The following SMG1 variants were observed in gnomAD, a reference collection of about 807,000 sequenced individuals.
The protein encoded by SMG1 is serine/threonine-protein kinase SMG1.
In SMG1, 22 loss-of-function variants were observed where a neutral mutation model predicts 419.9. That is an observed-to-expected ratio of 0.05 (90% confidence interval 0.04 to 0.07). The LOEUF (loss-of-function observed/expected upper bound fraction) is 0.07. Among genes scored for constraint, SMG1 ranks in the 10% least tolerant of loss-of-function variants. The probability of loss-of-function intolerance (pLI) is 1.00; values close to 1 mark genes in which losing one functional copy is unlikely to be tolerated. For missense variants in SMG1, 3,185 were observed against 4,342.0 expected, an observed-to-expected ratio of 0.73 and a Z score of 7.49; for synonymous variants, 1,538 against 1,553.5, an observed-to-expected ratio of 0.99 and a Z score of 0.23.
rs115505454 is a variant in SMG1 at position 18,838,380 on chromosome 16, C to A, written c.7171G>T (p.Val2391Leu). The A allele has an allele frequency of 6.8e-6, 11 of 1,610,920 alleles. No homozygotes were observed. In the South Asian group the frequency reaches 9.9e-5, roughly 15 times the overall value. Residue 2391 changes from valine to leucine, a missense_variant, in exon 44 of 63, where the codon GTA becomes TTA. Physicochemically the swap from Val to Leu is conservative, Grantham distance 32. This residue lies in a region of SMG1 where 60 missense variants were observed against 133.9 expected (regional missense o/e 0.45). Coordinates refer to ENST00000446231, the MANE Select transcript of SMG1 (RefSeq NM_015092.5). ...ACCTGCTCACATGAAAGCCTAAATA[C>A]ACCTTCTACTCCAGTTACACCCAGT... ...TALGVTGVEGVFRLSCEQVLH... is the reference protein window; with the variant it reads ...TALGVTGVEGLFRLSCEQVLH...
chr16:18,850,685 A>C (rs763905612), intron 33 of SMG1, among the ~76,000 whole-genome samples: 2 of 152,202 alleles, frequency 1.3e-5, no homozygotes, highest in Non-Finnish European at 2.9e-5. Flanking sequence ...TTTAGCAAAG[A>C]CTAGACTTTT....
intron 55 of SMG1, among the ~76,000 whole-genome samples, chr16:18,820,126 T>G (rs1285925914): frequency 6.6e-6 from 1 of 152,114 alleles, no homozygotes; most frequent in Non-Finnish European, 1.5e-5. Context: ...CCATCGTGCC[T>G]GGCTAATTTT....
At chr16:18,907,399 C>G (rs117887101) in intron 1 of SMG1, among the ~76,000 whole-genome samples, 2,605 of 152,044 alleles carry the variant, frequency 0.017, 100 homozygotes, top group East Asian at 0.12. Flanking sequence ...CTATGTTGCC[C>G]ACATTGTAGT....
rs1429296356 is a variant in SMG1, at chr16:18,833,234, T to G, written c.8566-68A>C. Reference sequence around the variant, plus strand: ...TAGCTAAGTTACACATTTGGAGACTTAGAGCCATACATTAAGAGCAAACTT... The same window carrying G: ...TAGCTAAGTTACACATTTGGAGACTGAGAGCCATACATTAAGAGCAAACTT... On this transcript the variant is annotated intron_variant, in intron 50 of 62. Coordinates refer to ENST00000446231, the MANE Select transcript of SMG1 (RefSeq NM_015092.5). 4 of 1,264,110 alleles carry G rather than the reference T, an allele frequency of 3.2e-6. No individual in the cohort carries two copies. The African/African-American group carries it at 4.5e-5, about 14-fold the overall frequency. 78.3% of individuals were successfully genotyped at this position (1,264,110 alleles called of 1,614,324 possible).
intron 56 of SMG1, among the ~76,000 whole-genome samples, chr16:18,817,997 G>A (rs1334706511): frequency 3.3e-5 from 5 of 151,500 alleles, no homozygotes; most frequent in Admixed American, 6.6e-5. Flanking sequence ...AAACTCCTGG[G>A]CTCAAGCAAT....
At position 18,829,719 on chromosome 16, in the gene SMG1, C is replaced by T; in HGVS notation, c.9170G>A (p.Gly3057Glu). The part of the protein sequence containing the change: ...SSLEDQNTVN[G>E]PVQIVNVKTL... ...TTTCACATTGACAATCTGTACAGGC[C>T]CATTCACAGTATTCTGATCTTCAAG... The change falls in exon 54 of 63, where the codon GGG becomes GAG. Residue 3057 changes from glycine (G) to glutamate (E), a missense_variant. This residue lies in a region of SMG1 where 737 missense variants were observed against 846.6 expected (regional missense o/e 0.87). Transcript: ENST00000446231. 6.2e-7 allele frequency: 1 copy of T among 1,611,456 alleles called. No homozygotes were observed. The highest frequency in any genetic ancestry group is 8.5e-7 in the Non-Finnish European group (1 of 1,178,084).
At chr16:18,907,817 A>G (rs1280265255) in intron 1 of SMG1, among the ~76,000 whole-genome samples, 3 of 126,108 alleles carry the variant, frequency 2.4e-5, no homozygotes, top group Non-Finnish European at 1.6e-5. Flanking sequence ...ACGCCACTGC[A>G]TTCCCACCTA....
chr16:18,883,447 A>C (rs112928705), intron 9 of SMG1, among the ~76,000 whole-genome samples: 1,547 of 152,310 alleles, frequency 0.01, 33 homozygotes, highest in African/African-American at 0.035. Flanking sequence ...ACACCACATC[A>C]ATTTGCTTTA....
At chr16:18,905,782 T>C (rs1248943501) in intron 1 of SMG1, among the ~76,000 whole-genome samples, 2 of 151,980 alleles carry the variant, frequency 1.3e-5, no homozygotes, top group Non-Finnish European at 2.9e-5. Flanking sequence ...CGGCTAATTT[T>C]TGTATTTTTA....
intron 13 of SMG1, chr16:18,875,156 G>C (rs2036052695): frequency 6.6e-6 from 1 of 152,538 alleles, no homozygotes; most frequent in Non-Finnish European, 1.5e-5. Flanking sequence ...GCATACAACA[G>C]TTTGGACTCA....
intron 55 of SMG1, among the ~76,000 whole-genome samples, chr16:18,826,982 T>A (rs2032727265): frequency 8.4e-6 from 1 of 118,550 alleles, no homozygotes; most frequent in Non-Finnish European, 1.8e-5. Context: ...CTTAAGCCGG[T>A]CTGAAAAGCG....
At chr16:18,859,306 T>C (rs2141465318) in intron 27 of SMG1, 125 bp from the exon 28 acceptor site, 1 of 673,066 alleles carries the variant, frequency 1.5e-6, no homozygotes, top group Non-Finnish European at 2.5e-6. Flanking sequence ...AGGAGCAGCC[T>C]GCTCTATAAT....
intron 51 of SMG1, among the ~76,000 whole-genome samples, chr16:18,831,770 A>T (rs373159486): frequency 1.1e-5 from 1 of 93,340 alleles, no homozygotes; most frequent in Non-Finnish European, 2.4e-5. Context: ...AAAAAAAAAA[A>T]ATACATATAT....
At chr16:18,819,738 G>A (rs1372668293) in intron 55 of SMG1, 84 bp from the exon 56 acceptor site, 7 of 1,322,326 alleles carry the variant, frequency 5.3e-6, no homozygotes, top group Middle Eastern at 3.8e-4. Context: ...ACACAATAAA[G>A]ATTCAAAAGA....
At chr16:18,871,827 T>C (rs1483820978) in intron 15 of SMG1, among the ~76,000 whole-genome samples, 1 of 151,652 alleles carries the variant, frequency 6.6e-6, no homozygotes, top group Non-Finnish European at 1.5e-5. Flanking sequence ...TAATCGCGGC[T>C]ACTTGGGAGG....
chr16:18,877,786 A>C (rs559074021), intron 11 of SMG1: 9 of 152,594 alleles, frequency 5.9e-5, no homozygotes, highest in African/African-American at 1.9e-4. Flanking sequence ...TAAGGCCTTA[A>C]TACTGTGACA....
Position 18,839,916 on chromosome 16 carries a change from G to T in SMG1, c.6727C>A (p.Pro2243Thr), listed in dbSNP as rs2033815690. The T allele has an allele frequency of 1.2e-6, 2 of 1,602,054 alleles. No individual in the cohort carries two copies. The highest frequency in any genetic ancestry group is 1.7e-6 in the Non-Finnish European group (2 of 1,173,552). The change falls in exon 42 of 63, where the codon CCT becomes ACT. Residue 2243 changes from proline to threonine, a missense_variant. Physicochemically the swap from Pro to Thr is conservative, Grantham distance 38. Around this residue, in one of 27 missense-constraint regions of SMG1, gnomAD observed 132 missense variants for 151.0 expected, o/e 0.87. Coordinates refer to ENST00000446231, the MANE Select transcript of SMG1 (RefSeq NM_015092.5). ...AQDSYQTPQN[P>T]GIVPRPSELY... The stretch of plus-strand genomic sequence containing the variant: ...TCACTAGGACGGGGTACAATTCCAG[G>T]ATTCTGAGGAGTTTGGTAGGAATCT...
At chr16:18,899,666 T>C (rs2037271480) in intron 1 of SMG1, among the ~76,000 whole-genome samples, 1 of 152,132 alleles carries the variant, frequency 6.6e-6, no homozygotes, top group Non-Finnish European at 1.5e-5. Flanking sequence ...GCACTTAAAA[T>C]GAGGCAATCA....
At chr16:18,848,564 C>G (rs2034400218) in intron 36 of SMG1, among the ~76,000 whole-genome samples, 1 of 151,904 alleles carries the variant, frequency 6.6e-6, no homozygotes, top group Admixed American at 6.6e-5. Flanking sequence ...CCTCGGCCTC[C>G]CAAAGTGCTG....
Sources: gnomAD v4.1 joint callset for allele counts (sites outside exome capture counted in the v4.1 genomes callset) on GRCh38, gnomAD v4.1.1 for gene constraint, gnomAD v4.1.1 regional missense constraint, MANE v1.5 for transcripts, NCBI Gene and HGNC (gene_info 2026-07-23, HGNC 2026-07-21) for gene names.